Variants in TRAPPC10 observed in about 807,000 individuals in gnomAD.
TRAPPC10 encodes the protein TRAPP 130 kDa subunit.
Under a neutral mutation model 125.5 loss-of-function variants are expected in TRAPPC10, and 23 were observed. The observed-to-expected ratio is 0.18, with a 90% CI of 0.13 to 0.26. The LOEUF is 0.26. Ranked by LOEUF, TRAPPC10 falls within the 10% of genes least tolerant of loss-of-function variation. The probability of loss-of-function intolerance (pLI) is 1.00; values close to 1 mark genes in which losing one functional copy is unlikely to be tolerated. For missense variants in TRAPPC10, 1,123 were observed against 1,308.4 expected (o/e 0.86, Z 2.19); for synonymous variants, 509 against 518.0 (o/e 0.98, Z 0.24).
chr21:44,083,584 C>T (rs927563216), intron 14 of TRAPPC10, among the ~76,000 whole-genome samples: 3 of 152,090 alleles, frequency 2.0e-5, no homozygotes, highest in Non-Finnish European at 4.4e-5. Flanking sequence ...GTTAGCTTTC[C>T]CCCCTGCATA....
intron 18 of TRAPPC10, 62 bp downstream of exon 18, chr21:44,089,995 C>T: frequency 1.5e-6 from 2 of 1,341,458 alleles, no homozygotes; most frequent in Non-Finnish European, 1.1e-6. Context: ...AGTGGAGGTT[C>T]CTAATGTTCA....
chr21:44,069,426 A>G (rs1324637139), intron 7 of TRAPPC10, among the ~76,000 whole-genome samples: 1 of 152,224 alleles, frequency 6.6e-6, no homozygotes, highest in Non-Finnish European at 1.5e-5. Flanking sequence ...GAATCATAGC[A>G]AAATGCAAAC....
chr21:44,038,253 C>T (rs986918982), intron 3 of TRAPPC10, among the ~76,000 whole-genome samples: 6 of 152,164 alleles, frequency 3.9e-5, no homozygotes, highest in African/African-American at 9.7e-5. Context: ...CTGTGCTCAC[C>T]GTGGCGCCGA....
intron 1 of TRAPPC10, among the ~76,000 whole-genome samples, chr21:44,023,416 T>C (rs1263137210): frequency 6.6e-6 from 1 of 152,142 alleles, no homozygotes; most frequent in African/African-American, 2.4e-5. Context: ...GTTCGTTTAG[T>C]ATGGCTGTGA....
At chr21:44,095,029 T>C (rs934001078) in intron 20 of TRAPPC10, among the ~76,000 whole-genome samples, 2 of 148,756 alleles carry the variant, frequency 1.3e-5, no homozygotes, top group African/African-American at 4.9e-5. Flanking sequence ...TAGTATATAT[T>C]ATAATAATAA....
intron 1 of TRAPPC10, 88 bp from the exon 2 acceptor site, chr21:44,032,003 T>C: frequency 1.8e-6 from 2 of 1,120,660 alleles, no homozygotes; most frequent in Admixed American, 2.0e-5. Context: ...TAAAACTACC[T>C]AAAAACACCA....
rs1569202685 is a variant in TRAPPC10, at chr21:44,077,703, A to T, written c.1388A>T (p.His463Leu). Residue 463 changes from histidine (H) to leucine (L), a missense_variant, in exon 11 of 23, where the codon CAT (histidine) becomes CTT (leucine). Transcript: ENST00000291574. ...TTTACTTCCCCACAGGATTTGTCCC[A>T]TGCCACCATTGAAATGTATACAAGC... ...AFEKHYLDLS[H>L]ATIEMYTSIG... The T allele has an allele frequency of 1.2e-6, 2 of 1,603,826 alleles. No individual in the cohort carries two copies. Among genetic ancestry groups the T allele is most frequent in the Non-Finnish European group, 1.7e-6 (2 of 1,173,926 alleles).
At position 44,082,422 on chromosome 21, in the gene TRAPPC10, A is replaced by G. The variant is rs548687646; in HGVS notation, c.1724-366A>G. Among the ~76,000 whole-genome samples the G allele has an allele frequency of 6.6e-6, 1 of 152,354 alleles. No homozygotes were observed. The highest frequency in any genetic ancestry group is 6.5e-5 in the Admixed American group (1 of 15,312). On this transcript the variant is annotated intron_variant, in intron 13 of 22. Coordinates refer to ENST00000291574, the MANE Select transcript of TRAPPC10 (RefSeq NM_003274.5). This position sits in a 1 kb window ranked among gnomAD's most constrained non-coding sequence, Gnocchi z 4.4. ...ATCTTCACTGAGCATGTTTTTAAGT[A>G]GGTGAGAAAATATTGGAATCCCTTG...
intron 14 of TRAPPC10, 144 bp from the exon 15 acceptor site, chr21:44,083,978 T>G (rs2146121460): frequency 2.4e-6 from 2 of 844,756 alleles, no homozygotes; most frequent in East Asian, 5.4e-5. Context: ...AGCTTAGAGG[T>G]TTAGGCACAA....
At chr21:44,083,405 G>A in intron 14 of TRAPPC10, 103 bp downstream of exon 14, 1 of 1,311,342 alleles carries the variant, frequency 7.6e-7, no homozygotes, top group African/African-American at 1.5e-5. Flanking sequence ...AGAGTCCTTT[G>A]TTCTCCTAAC....
intron 13 of TRAPPC10, among the ~76,000 whole-genome samples, chr21:44,081,544 G>A (rs1668879882): frequency 6.6e-6 from 1 of 152,136 alleles, no homozygotes; most frequent in Non-Finnish European, 1.5e-5. Context: ...ACAGGCGTGA[G>A]CCACCACGCT....
chr21:44,085,052 C>T (rs149449838), intron 15 of TRAPPC10, among the ~76,000 whole-genome samples: 2 of 152,144 alleles, frequency 1.3e-5, no homozygotes, highest in Non-Finnish European at 2.9e-5. Flanking sequence ...CAGGCATGAT[C>T]GATTACACCA....
At chr21:44,084,085 G>GT in intron 14 of TRAPPC10, 37 bp from the exon 15 acceptor site, 3 of 1,612,356 alleles carry the variant, frequency 1.9e-6, no homozygotes, top group Non-Finnish European at 2.5e-6. Flanking sequence ...GCAAAACTGG[G>GT]TGACGTGGTT....
Position 44,086,946 on chromosome 21 carries a change from A to G in TRAPPC10, c.2525A>G (p.Tyr842Cys). Residue 842 changes from tyrosine (Y) to cysteine (C), a missense_variant, in exon 16 of 23, where the codon TAC becomes TGC. Physicochemically the swap from Tyr to Cys is radical, Grantham distance 194. Around this residue, in one of 4 missense-constraint regions of TRAPPC10, gnomAD observed 840 missense variants for 902.0 expected, o/e 0.93. Coordinates refer to ENST00000291574, the MANE Select transcript of TRAPPC10 (RefSeq NM_003274.5). ...CAGGCGGAGAGCAGGGCTGTGGTCT[A>G]CTCCAACACGAGAGGTGAGGTGCCG... ...LCQAESRAVVYSNTREQSSEA... is the reference protein window; with the variant it reads ...LCQAESRAVVCSNTREQSSEA... The G allele has an allele frequency of 1.9e-6, 3 of 1,613,958 alleles. No homozygotes were observed. The highest frequency in any genetic ancestry group is 2.5e-6 in the Non-Finnish European group (3 of 1,179,932).
At chr21:44,064,426 C>A (rs910438561) in intron 7 of TRAPPC10, among the ~76,000 whole-genome samples, 1 of 152,020 alleles carries the variant, frequency 6.6e-6, no homozygotes, top group Non-Finnish European at 1.5e-5. Flanking sequence ...GAACCACGGA[C>A]ATTGTAGTGA....
intron 1 of TRAPPC10, among the ~76,000 whole-genome samples, chr21:44,020,293 A>AT (rs1331032566): frequency 5.3e-5 from 8 of 151,424 alleles, no homozygotes; most frequent in African/African-American, 1.2e-4. Flanking sequence ...CACCTGGCTA[A>AT]TTTTTTTGTA....
rs772438668 is a variant in TRAPPC10, at chr21:44,079,618, C to T, written c.1524C>T (p.Asn508=). The T allele has an allele frequency of 6.8e-6, 11 of 1,608,296 alleles. No individual in the cohort carries two copies. In the African/African-American group the frequency reaches 8.1e-5, roughly 12 times the overall value. ...AEIYLQGALK[N]YLAEGWALPI... is the part of the protein sequence containing the mutation. Reference sequence around the variant, plus strand: ...TCTATCTTCAAGGAGCACTGAAAAACTACCTGGCTGAGGGCTGGGCACTCC... The same window carrying T: ...TCTATCTTCAAGGAGCACTGAAAAATTACCTGGCTGAGGGCTGGGCACTCC... Residue 508 remains asparagine (N), a synonymous_variant, in exon 12 of 23, where the codon AAC becomes AAT. Transcript: ENST00000291574.
rs1235549104 is a variant in TRAPPC10, at chr21:44,084,132, C to T, written c.2249C>T (p.Pro750Leu). The T allele has an allele frequency of 1.2e-6, 2 of 1,613,952 alleles. No homozygotes were observed. Among genetic ancestry groups the T allele is most frequent in the African/African-American group, 1.3e-5 (1 of 74,916 alleles). The change falls in exon 15 of 23, where the codon CCT (proline) becomes CTT (leucine). Residue 750 changes from proline to leucine, a missense_variant. Physicochemically the swap from Pro to Leu is moderately conservative, Grantham distance 98 (BLOSUM62 -3). Coordinates refer to ENST00000291574, the MANE Select transcript of TRAPPC10 (RefSeq NM_003274.5). ...ATTCTTTGACTCTAGGCCAAGGAAC[C>T]TGGAACGTATACACTCAGGCAGCTG... is the stretch of plus-strand genomic sequence containing the variant. ...QITFRTQAKEPGTYTLRQLCA... is the reference protein window; with the variant it reads ...QITFRTQAKELGTYTLRQLCA...
At chr21:44,026,539 G>A (rs971827086) in intron 1 of TRAPPC10, among the ~76,000 whole-genome samples, 1 of 152,130 alleles carries the variant, frequency 6.6e-6, no homozygotes, top group Non-Finnish European at 1.5e-5. Context: ...GCTTGAAGAC[G>A]GTGCCCTCTC....
Sources: gnomAD v4.1 joint callset for allele counts (sites outside exome capture counted in the v4.1 genomes callset) on GRCh38, gnomAD v4.1.1 for gene constraint, gnomAD v4.1.1 regional missense constraint, Gnocchi (gnomAD v3.1) non-coding constraint, MANE v1.5 for transcripts, NCBI Gene and HGNC (gene_info 2026-07-23, HGNC 2026-07-21) for gene names.